Variants in CTCF observed in about 807,000 individuals in gnomAD.
The protein encoded by CTCF is CCCTC-binding factor.
CTCF carries 7 observed loss-of-function variants against 72.3 expected under a neutral mutation model. The ratio of observed to expected loss-of-function variants is 0.10; its 90% CI spans 0.06 to 0.18. The LOEUF (loss-of-function observed/expected upper bound fraction) is 0.18. Among genes scored for constraint, CTCF ranks in the 10% least tolerant of loss-of-function variants. The probability of loss-of-function intolerance (pLI) is 1.00; values close to 1 mark genes in which losing one functional copy is unlikely to be tolerated. For synonymous variants in CTCF, 374 were observed against 315.8 expected (o/e 1.18, Z -1.95); for missense variants, 516 against 949.1 (o/e 0.54, Z 6.00).
intron 8 of CTCF, 120 bp downstream of exon 8, chr16:67,626,835 A>G: frequency 1.0e-5 from 7 of 692,188 alleles, no homozygotes; most frequent in Non-Finnish European, 1.2e-5. Flanking sequence ...GTGGATTATG[A>G]GGAATGTCAC....
intron 2 of CTCF, among the ~76,000 whole-genome samples, chr16:67,573,475 CAAAT>C (rs2051452309): frequency 6.6e-6 from 1 of 151,744 alleles, no homozygotes; most frequent in African/African-American, 2.4e-5. Flanking sequence ...TATATTAAAA[CAAAT>C]AGACATTTTT....
rs541369280 is a variant in CTCF, at chr16:67,628,306, G to A, written c.1519-64G>A. On this transcript the variant is annotated intron_variant, in intron 8 of 11. Coordinates refer to ENST00000264010, the MANE Select transcript of CTCF (RefSeq NM_006565.4). ...AATACCTGTTGGCCACATGCATGCA[G>A]GTGGCAGCTGGGGCAGTAGCCCCAT... 8.8e-5 allele frequency: 130 copies of A among 1,471,744 alleles called. 1 individual carries two copies. The African/African-American group carries it at 1.6e-3, about 18-fold the overall frequency. The allele number at this position is 1,471,744 out of a possible 1,614,324, so 91.2% of individuals were successfully genotyped here. A position where few individuals can be genotyped will look rare whatever the true frequency, so the allele number is the denominator to read the frequency against.
intron 2 of CTCF, among the ~76,000 whole-genome samples, chr16:67,574,129 C>T (rs185379184): frequency 6.6e-6 from 1 of 152,078 alleles, no homozygotes; most frequent in Non-Finnish European, 1.5e-5. Context: ...ACCATCTACC[C>T]AAGATGGTGT....
chr16:67,608,654 T>C (rs1030668287), intron 2 of CTCF, among the ~76,000 whole-genome samples: 10 of 152,168 alleles, frequency 6.6e-5, no homozygotes, highest in Non-Finnish European at 1.5e-4. Flanking sequence ...TTATGCACTT[T>C]GAATTATGTT....
At chr16:67,611,902 T>C (rs776256927) in intron 3 of CTCF, 49 bp from the exon 4 acceptor site, 2 of 1,525,872 alleles carry the variant, frequency 1.3e-6, no homozygotes, top group African/African-American at 2.7e-5. Flanking sequence ...AGGATTAATC[T>C]TAACACTTTG....
rs571101704 is a variant in CTCF at position 67,637,990 on chromosome 16, T to C, written c.*118T>C. 215 of 924,500 alleles carry C rather than the reference T, an allele frequency of 2.3e-4. No individual in the cohort carries two copies. The African/African-American group carries it at 3.2e-3, about 14-fold the overall frequency. 57.3% of individuals were successfully genotyped at this position (924,500 alleles called of 1,614,324 possible). A position where few individuals can be genotyped will look rare whatever the true frequency, so the allele number is the denominator to read the frequency against. On this transcript the variant is annotated 3_prime_UTR_variant, in exon 12 of 12. Transcript: ENST00000264010. ...GGGAAAAGCATCATTTTACCAAACA[T>C]ACCGAGAACGAAAACTTCAAGGATG... is the stretch of plus-strand genomic sequence containing the variant.
At chr16:67,601,564 G>C (rs145765408) in intron 2 of CTCF, among the ~76,000 whole-genome samples, 2 of 151,976 alleles carry the variant, frequency 1.3e-5, no homozygotes, top group African/African-American at 4.8e-5. Context: ...GGATGGTCTC[G>C]ATCTCCTGAC....
At chr16:67,628,285 C>G (rs1248334538) in intron 8 of CTCF, 85 bp from the exon 9 acceptor site, 2 of 1,254,022 alleles carry the variant, frequency 1.6e-6, no homozygotes, top group Admixed American at 2.3e-5. Context: ...GTGAGAAATA[C>G]CTGTTGGCCA....
At chr16:67,585,748 A>G (rs1050897305) in intron 2 of CTCF, among the ~76,000 whole-genome samples, 3 of 152,194 alleles carry the variant, frequency 2.0e-5, no homozygotes, top group East Asian at 1.9e-4. Context: ...TAACTCTTCT[A>G]TAACAGAAGA....
chr16:67,574,152 G>T (rs1317374640), intron 2 of CTCF, among the ~76,000 whole-genome samples: 1 of 152,012 alleles, frequency 6.6e-6, no homozygotes, highest in Non-Finnish European at 1.5e-5. Context: ...GATCCCACAC[G>T]TTTAGGGTTC....
At position 67,623,447 on chromosome 16, in the gene CTCF, C is replaced by A. The variant is rs1228748144; in HGVS notation, c.1357+1856C>A. ...TTTGAGCTTAGGAGTTCCGGAGCAG[C>A]CTGGGCAACATGGCAAAACTCCATC... On this transcript the variant is annotated intron_variant, in intron 7 of 11. Transcript: ENST00000264010. The A allele has an allele frequency of 3.3e-5, 5 of 150,406 alleles. No individual in the cohort carries two copies. In the East Asian group the frequency reaches 8.2e-4, roughly 25 times the overall value. 9.3% of individuals were successfully genotyped at this position (150,406 alleles called of 1,614,324 possible). A position where few individuals can be genotyped will look rare whatever the true frequency, so the allele number is the denominator to read the frequency against.
At position 67,616,765 on chromosome 16, in the gene CTCF, C is replaced by G. The variant is rs1300104380; in HGVS notation, c.973C>G (p.Pro325Ala). 6.2e-7 allele frequency: 1 copy of G among 1,614,140 alleles called. No homozygotes were observed. Among genetic ancestry groups the G allele is most frequent in the Non-Finnish European group, 8.5e-7 (1 of 1,180,016 alleles). The change falls in exon 5 of 12, where the codon CCA becomes GCA. Residue 325 changes from proline (P) to alanine (A), a missense_variant. Coordinates refer to ENST00000264010, the MANE Select transcript of CTCF (RefSeq NM_006565.4). ...THTGTRPHKC[P>A]DCDMAFVTSG... ...TCTAGGTACTCGTCCTCACAAGTGC[C>G]CAGACTGCGACATGGCCTTTGTGAC...
intron 10 of CTCF, among the ~76,000 whole-genome samples, 187 bp from the exon 11 acceptor site, chr16:67,636,503 G>A (rs1444365832): frequency 2.0e-5 from 3 of 148,482 alleles, no homozygotes; most frequent in South Asian, 2.1e-4. Context: ...AGCCGAGATC[G>A]CGCCACTGCA....
chr16:67,589,914 C>G (rs1423579841), intron 2 of CTCF, among the ~76,000 whole-genome samples: 1 of 152,066 alleles, frequency 6.6e-6, no homozygotes, highest in African/African-American at 2.4e-5. Flanking sequence ...TGGTGAAACC[C>G]TATCTCTACT....
chr16:67,620,549 A>G, intron 5 of CTCF, 148 bp from the exon 6 acceptor site: 1 of 590,584 alleles, frequency 1.7e-6, no homozygotes, highest in Non-Finnish European at 2.8e-6. Flanking sequence ...CAAAGTTTAC[A>G]AATAATGAAG....
At chr16:67,569,097 C>T (rs1393094910) in intron 1 of CTCF, among the ~76,000 whole-genome samples, 1 of 152,100 alleles carries the variant, frequency 6.6e-6, no homozygotes, top group African/African-American at 2.4e-5. Context: ...CCTTGGCTTC[C>T]CAAAGTGCTG....
intron 2 of CTCF, among the ~76,000 whole-genome samples, chr16:67,595,663 A>G (rs1431069898): frequency 6.6e-6 from 1 of 152,108 alleles, no homozygotes; most frequent in African/African-American, 2.4e-5. Context: ...CTTATTTTAT[A>G]GAAAAGAAAA....
intron 2 of CTCF, among the ~76,000 whole-genome samples, chr16:67,571,471 C>T (rs1317811865): frequency 6.6e-6 from 1 of 152,142 alleles, no homozygotes; most frequent in Non-Finnish European, 1.5e-5. Flanking sequence ...TTACTTTAAC[C>T]TGTCTACTCC....
Position 67,610,880 on chromosome 16 carries a change from T to C in CTCF, c.48T>C (p.Phe16=). ...CCATTGTGGAGGAGTCCGAAACTTTTATTAAAGGAAAGGAGAGAAAGACTT... is the reference window on the plus strand; with the variant it reads ...CCATTGTGGAGGAGTCCGAAACTTTCATTAAAGGAAAGGAGAGAAAGACTT... ...VEAIVEESET[F]IKGKERKTYQ... The change falls in exon 3 of 12, where the codon TTT becomes TTC. Residue 16 remains phenylalanine, a synonymous_variant. Coordinates refer to ENST00000264010, the MANE Select transcript of CTCF (RefSeq NM_006565.4). 4 of 1,504,492 alleles carry C rather than the reference T, an allele frequency of 2.7e-6. No individual in the cohort carries two copies. Among genetic ancestry groups the C allele is most frequent in the Non-Finnish European group, 2.7e-6 (3 of 1,126,498 alleles). The allele number at this position is 1,504,492 out of a possible 1,614,324, so 93.2% of individuals were successfully genotyped here.
Sources: allele counts gnomAD v4.1 joint callset (sites outside exome capture counted in the v4.1 genomes callset), GRCh38; gene constraint gnomAD v4.1.1; transcripts MANE v1.5; gene names NCBI Gene and HGNC (gene_info 2026-07-23, HGNC 2026-07-21).